Variants in TASP1 observed in about 807,000 individuals in gnomAD.
The protein encoded by TASP1 is taspase 1, also known as threonine aspartase 1.
TASP1 carries 16 observed loss-of-function variants against 56.6 expected under a neutral mutation model. That is an observed-to-expected ratio of 0.28 (90% CI 0.19 to 0.43). TASP1 has a LOEUF of 0.43. Ranked by LOEUF, TASP1 falls within the 20% of genes least tolerant of loss-of-function variation. The pLI, the probability that TASP1 is intolerant of heterozygous loss-of-function variation, is 1.00. For missense variants in TASP1, 393 were observed against 511.6 expected (o/e 0.77, Z 2.24); for synonymous variants, 179 against 184.2 (o/e 0.97, Z 0.23).
At chr20:13,631,323 G>T (rs560271362) in intron 1 of TASP1, among the ~76,000 whole-genome samples, 32 of 152,250 alleles carry the variant, frequency 2.1e-4, no homozygotes, top group African/African-American at 7.5e-4. Flanking sequence ...TTTTAATTGA[G>T]TAACAGTAAA....
At chr20:13,560,207 A>C (rs1416127491) in intron 7 of TASP1, among the ~76,000 whole-genome samples, 1 of 152,210 alleles carries the variant, frequency 6.6e-6, no homozygotes, top group Non-Finnish European at 1.5e-5. Flanking sequence ...TTTTCTGATA[A>C]TGGCAGACTA....
At chr20:13,419,751 A>G (rs1333537939) in intron 12 of TASP1, among the ~76,000 whole-genome samples, 2 of 152,184 alleles carry the variant, frequency 1.3e-5, no homozygotes, top group Admixed American at 1.3e-4. Flanking sequence ...AAGAGGCAGT[A>G]AGGGGCAAAA....
At chr20:13,327,201 C>T in the TASP1 span, among the ~76,000 whole-genome samples, 24 of 152,194 alleles carry the variant, frequency 1.6e-4, no homozygotes, top group East Asian at 4.6e-3. Flanking sequence ...TGAATGAACT[C>T]CCATTGACAA....
the TASP1 span, among the ~76,000 whole-genome samples, chr20:13,194,654 T>C: frequency 3.3e-5 from 5 of 151,658 alleles, no homozygotes; most frequent in African/African-American, 4.8e-5. Flanking sequence ...GAGTGACTCA[T>C]GCTCACATGA....
chr20:13,214,558 C>CAG, the TASP1 span, among the ~76,000 whole-genome samples: 11 of 114,808 alleles, frequency 9.6e-5, no homozygotes, highest in South Asian at 2.8e-4. Flanking sequence ...CACACACACA[C>CAG]ACACAGAGAG....
intron 10 of TASP1, among the ~76,000 whole-genome samples, chr20:13,516,180 T>A (rs951722574): frequency 6.6e-6 from 1 of 152,148 alleles, no homozygotes; most frequent in Non-Finnish European, 1.5e-5. Flanking sequence ...AGGCACTAGT[T>A]GTATTTAGTG....
At chr20:13,196,403 TGGTTA>T in the TASP1 span, among the ~76,000 whole-genome samples, 1 of 152,234 alleles carries the variant, frequency 6.6e-6, no homozygotes, top group Admixed American at 6.5e-5. Context: ...AATTCAAATT[TGGTTA>T]ATAACAACCC....
chr20:13,415,729 A>C (rs2042233301), intron 13 of TASP1, among the ~76,000 whole-genome samples: 1 of 152,180 alleles, frequency 6.6e-6, no homozygotes, highest in Admixed American at 6.6e-5. Context: ...ATTAAATAGT[A>C]AGGTGTCTTT....
chr20:13,615,976 T>G (rs544365649), intron 4 of TASP1, among the ~76,000 whole-genome samples: 1 of 152,232 alleles, frequency 6.6e-6, no homozygotes, highest in Admixed American at 6.5e-5. Flanking sequence ...CTTATTAGCC[T>G]ACATCCTTCA....
At chr20:13,259,047 C>T in the TASP1 span, among the ~76,000 whole-genome samples, 1 of 152,078 alleles carries the variant, frequency 6.6e-6, no homozygotes, top group Non-Finnish European at 1.5e-5. Context: ...CTTTGGGAGG[C>T]CGAGGCGGGT....
rs2048665318 is a variant in TASP1 at position 13,620,295 on chromosome 20, CACACAT to C, written c.282+3145_282+3150del. Among the ~76,000 whole-genome samples, 3 of 150,610 alleles carry C rather than the reference CACACAT, an allele frequency of 2.0e-5. No homozygotes were observed. The South Asian group carries it at 6.2e-4, about 31-fold the overall frequency. ...ACACACACACACACACACACACACA[CACACAT>C]ACATATACACATATTTCTTTTGCCT... On this transcript the variant is annotated intron_variant, in intron 4 of 13. Transcript: ENST00000337743.
chr20:13,142,646 C>T, the TASP1 span, among the ~76,000 whole-genome samples: 1 of 152,194 alleles, frequency 6.6e-6, no homozygotes, highest in African/African-American at 2.4e-5. Flanking sequence ...AGTCTGGGCA[C>T]AGTGTATTCT....
chr20:13,459,233 T>C (rs370124908), intron 11 of TASP1, among the ~76,000 whole-genome samples: 66 of 152,284 alleles, frequency 4.3e-4, no homozygotes, highest in African/African-American at 1.5e-3. Flanking sequence ...CCCCTAGTCT[T>C]TGTGATTTCC....
intron 10 of TASP1, among the ~76,000 whole-genome samples, chr20:13,525,929 T>A (rs1184055081): frequency 6.6e-6 from 1 of 152,196 alleles, no homozygotes; most frequent in African/African-American, 2.4e-5. Flanking sequence ...AAAGCTACAC[T>A]GGATGTCATG....
At chr20:13,584,952 T>C (rs2047250170) in intron 5 of TASP1, among the ~76,000 whole-genome samples, 1 of 152,178 alleles carries the variant, frequency 6.6e-6, no homozygotes, top group Non-Finnish European at 1.5e-5. Flanking sequence ...ATGAATTCCT[T>C]CAAACAATTA....
intron 1 of TASP1, among the ~76,000 whole-genome samples, chr20:13,635,341 A>G (rs1244782237): frequency 3.3e-5 from 5 of 151,248 alleles, no homozygotes; most frequent in Non-Finnish European, 7.4e-5. Flanking sequence ...CTAGTTCTTC[A>G]TAACTCACCT....
At chr20:13,199,215 T>C in the TASP1 span, among the ~76,000 whole-genome samples, 1 of 151,850 alleles carries the variant, frequency 6.6e-6, no homozygotes, top group African/African-American at 2.4e-5. Flanking sequence ...CTTGTTTTCC[T>C]TTTTTTTGTT....
chr20:13,337,574 C>A, the TASP1 span, among the ~76,000 whole-genome samples: 1 of 152,180 alleles, frequency 6.6e-6, no homozygotes, highest in East Asian at 1.9e-4. Context: ...TTTATGCTGT[C>A]GTGGCTTTCA....
At chr20:13,239,701 G>A in the TASP1 span, 23,656 of 152,196 alleles carry the variant, frequency 0.16, 1,918 homozygotes, top group East Asian at 0.24. Context: ...TAGAAGGCAG[G>A]TTGCAGACAC....
Sources: allele counts gnomAD v4.1 joint callset (sites outside exome capture counted in the v4.1 genomes callset), GRCh38; gene constraint gnomAD v4.1.1; transcripts MANE v1.5; gene names NCBI Gene and HGNC (gene_info 2026-07-23, HGNC 2026-07-21).